Variants in ARMCX4 observed in about 807,000 individuals in gnomAD.
ARMCX4 encodes armadillo repeat containing X-linked 4.
Under a neutral mutation model 34.7 loss-of-function variants are expected in ARMCX4, and 3 were observed. That is an observed-to-expected ratio of 0.09 (90% CI 0.04 to 0.22). The LOEUF (loss-of-function observed/expected upper bound fraction) is 0.22, where lower values mean the gene tolerates loss of function less well. Among genes scored for constraint, ARMCX4 ranks in the 10% least tolerant of loss-of-function variants. ARMCX4 has a pLI of 1.00. For synonymous variants in ARMCX4, 513 were observed against 632.8 expected (o/e 0.81, Z 2.84); for missense variants, 1,448 against 1,720.8 (o/e 0.84, Z 2.81).
chrX:101,419,746 C>T (rs1569310134), intron 2 of ARMCX4, among the ~76,000 whole-genome samples: 1 of 111,226 alleles, frequency 9.0e-6, no homozygotes, highest in South Asian at 3.7e-4. Flanking sequence ...ATCACCTTGT[C>T]CTGCCTTGAG....
At chrX:101,424,974 A>G (rs1292727254) in intron 2 of ARMCX4, among the ~76,000 whole-genome samples, 1 of 111,902 alleles carries the variant, frequency 8.9e-6, no homozygotes, top group Non-Finnish European at 1.9e-5. Context: ...TGCTATATGG[A>G]TATAGTTGAT....
At chrX:101,433,120 ATG>A (rs1269503540) in intron 2 of ARMCX4, among the ~76,000 whole-genome samples, 8 of 96,103 alleles carry the variant, frequency 8.3e-5, no homozygotes, top group African/African-American at 2.5e-4. Context: ...ATACACATGT[ATG>A]TATACATATT....
chrX:101,423,756 C>T (rs1340480573), intron 2 of ARMCX4, among the ~76,000 whole-genome samples: 4 of 112,141 alleles, frequency 3.6e-5, no homozygotes, highest in Middle Eastern at 4.6e-3. Context: ...TTTTTCACCA[C>T]ACCCCCAGCC....
At chrX:101,475,455 A>G (rs1933143278) in intron 4 of ARMCX4, among the ~76,000 whole-genome samples, 1 of 111,535 alleles carries the variant, frequency 9.0e-6, no homozygotes, top group African/African-American at 3.3e-5. Flanking sequence ...TCTAACACAA[A>G]GCTGGCAGTG....
chrX:101,476,599 T>C (rs1220728960), intron 4 of ARMCX4, among the ~76,000 whole-genome samples: 3 of 111,144 alleles, frequency 2.7e-5, no homozygotes, highest in Non-Finnish European at 5.7e-5. Context: ...AAAAGCATCT[T>C]CTAAATGACT....
intron 10 of ARMCX4, among the ~76,000 whole-genome samples, chrX:101,510,527 C>T (rs1199058773): frequency 9.0e-6 from 1 of 111,475 alleles, no homozygotes; most frequent in Non-Finnish European, 1.9e-5. Flanking sequence ...ACCAAGCCTC[C>T]TATTTTTGGT....
chrX:101,450,250 T>C (rs1455092688), downstream of ARMCX4, among the ~76,000 whole-genome samples: 1 of 112,602 alleles, frequency 8.9e-6, no homozygotes, highest in African/African-American at 3.2e-5. Context: ...CTCAAAGCCC[T>C]AGGGCTCTAC....
At chrX:101,449,943 C>T (rs1931886252), downstream of ARMCX4, among the ~76,000 whole-genome samples, 2 of 112,207 alleles carry the variant, frequency 1.8e-5, no homozygotes, top group Non-Finnish European at 3.8e-5. Flanking sequence ...AGTAACACTA[C>T]GGTTCTTGCA....
intron 2 of ARMCX4, among the ~76,000 whole-genome samples, chrX:101,434,200 G>A (rs1930519315): frequency 1.8e-5 from 2 of 109,396 alleles, no homozygotes; most frequent in Admixed American, 2.0e-4. Context: ...GCCCACCTTG[G>A]CCTCTCAAAT....
rs1556008149 is a variant in ARMCX4 at position 101,489,920 on chromosome X, C to A, written c.1331C>A (p.Ala444Asp). The change falls in exon 6 of 6, where the codon GCC becomes GAC. Residue 444 changes from alanine to aspartate, a missense_variant. Physicochemically the swap from Ala to Asp is moderately radical, Grantham distance 126. Transcript: ENST00000423738. ...ANLRANSQVE[A>D]LPDARDKSRG... The stretch of plus-strand genomic sequence containing the variant: ...TTGAGGGCCAATTCCCAGGTTGAGG[C>A]CTTGCCTGATGCCAGGGATAAGAGC... 7 of 1,155,971 alleles carry A rather than the reference C, an allele frequency of 6.1e-6. No homozygotes were observed. In the South Asian group the frequency reaches 1.3e-4, roughly 22 times the overall value.
At chrX:101,470,073 T>A (rs994441112) in intron 4 of ARMCX4, among the ~76,000 whole-genome samples, 4 of 111,940 alleles carry the variant, frequency 3.6e-5, no homozygotes, top group Middle Eastern at 4.7e-3. Flanking sequence ...AAAGTTGCTG[T>A]CTAATGTCAC....
intron 2 of ARMCX4, among the ~76,000 whole-genome samples, chrX:101,427,527 G>A (rs138594512): frequency 0.017 from 1,841 of 110,863 alleles, 42 homozygotes; most frequent in African/African-American, 0.057. Flanking sequence ...ACAGGTGCAC[G>A]CCACTGTGTC....
chrX:101,425,007 A>G (rs1569311679), intron 2 of ARMCX4, among the ~76,000 whole-genome samples: 1 of 111,943 alleles, frequency 8.9e-6, no homozygotes, highest in Non-Finnish European at 1.9e-5. Flanking sequence ...GTGTGGGGAT[A>G]AGGTTGTCTA....
rs184658366 is a variant in ARMCX4, at chrX:101,494,343, T to C, written c.5754T>C (p.Ser1918=). The part of the protein sequence containing the change: ...SENSNTFRSK[S]GKDASFESGA... ...ACAGTAATACGTTCAGATCTAAGAGTGGGAAAGATGCCAGTTTTGAGTCTG... is the reference window on the plus strand; with the variant it reads ...ACAGTAATACGTTCAGATCTAAGAGCGGGAAAGATGCCAGTTTTGAGTCTG... The change falls in exon 6 of 6, where the codon AGT becomes AGC. Residue 1918 remains serine, a synonymous_variant. Transcript: ENST00000423738. 8 of 1,152,155 alleles carry C rather than the reference T, an allele frequency of 6.9e-6. No individual in the cohort carries two copies. In the East Asian group the frequency reaches 2.6e-4, roughly 38 times the overall value. 95.0% of individuals were successfully genotyped at this position (1,152,155 alleles called of 1,213,427 possible). A position where few individuals can be genotyped will look rare whatever the true frequency, so the allele number is the denominator to read the frequency against.
chrX:101,521,569 T>G (rs981869795), intron 11 of ARMCX4, among the ~76,000 whole-genome samples: 3 of 110,228 alleles, frequency 2.7e-5, no homozygotes, highest in Non-Finnish European at 3.8e-5. Flanking sequence ...TCCTCTCTAA[T>G]ACTTCTTTCT....
At position 101,491,058 on chromosome X, in the gene ARMCX4, T is replaced by A; in HGVS notation, c.2469T>A (p.Asp823Glu). 8.7e-7 allele frequency: 1 copy of A among 1,153,129 alleles called. No individual in the cohort carries two copies. The highest frequency in any genetic ancestry group is 1.1e-6 in the Non-Finnish European group (1 of 872,182). Residue 823 changes from aspartate (D) to glutamate (E), a missense_variant, in exon 6 of 6, where the codon GAT becomes GAA. Asp to Glu is a conservative substitution (Grantham distance 45). Transcript: ENST00000423738. ...TGTCTAAGGCAGGGGCTGGGATGGA[T>A]ACAAGGGGCTCTGCCCAGCCCCAGG... ...NAVSKAGAGM[D>E]TRGSAQPQAV...
intron 4 of ARMCX4, among the ~76,000 whole-genome samples, chrX:101,479,287 A>T (rs1166313542): frequency 1.0e-5 from 1 of 100,473 alleles, no homozygotes; most frequent in East Asian, 3.1e-4. Context: ...AGAAATGTAT[A>T]AAATCTATAA....
Position 101,489,308 on chromosome X carries a change from A to G in ARMCX4, c.719A>G (p.Glu240Gly). The change falls in exon 6 of 6, where the codon GAA becomes GGA. Residue 240 changes from glutamate (E) to glycine (G), a missense_variant. By Grantham distance (98) the Glu-to-Gly change is moderately conservative. Transcript: ENST00000423738. The stretch of plus-strand genomic sequence containing the variant: ...GATGAAACCAAGACAAGAGCTCTGG[A>G]AGAGACTGTGAGTGTGGCTAAGACT... ...IVDETKTRALEETVSVAKTQS... is the reference protein window; with the variant it reads ...IVDETKTRALGETVSVAKTQS... 8.7e-7 allele frequency: 1 copy of G among 1,155,917 alleles called. No individual in the cohort carries two copies. Among genetic ancestry groups the G allele is most frequent in the Non-Finnish European group, 1.1e-6 (1 of 872,827 alleles).
At chrX:101,530,725 A>T (rs1935111032) in intron 11 of ARMCX4, among the ~76,000 whole-genome samples, 1 of 111,437 alleles carries the variant, frequency 9.0e-6, no homozygotes, top group South Asian at 3.8e-4. Context: ...CAACATGAAA[A>T]TATTCTCAGA....
Sources: allele counts gnomAD v4.1 joint callset (sites outside exome capture counted in the v4.1 genomes callset), GRCh38; gene constraint gnomAD v4.1.1; transcripts MANE v1.5; gene names NCBI Gene and HGNC (gene_info 2026-07-23, HGNC 2026-07-21).